Variants in NFASC observed in about 807,000 individuals in gnomAD.
NFASC encodes the protein neurofascin homolog.
Under a neutral mutation model 147.5 loss-of-function variants are expected in NFASC, and 43 were observed. That is an observed-to-expected ratio of 0.29 (90% CI 0.23 to 0.38). The LOEUF is 0.38. NFASC is among the 10% of genes least tolerant of loss of function. The pLI, the probability that NFASC is intolerant of heterozygous loss-of-function variation, is 1.00. For missense variants in NFASC, 1,320 were observed against 1,689.0 expected (o/e 0.78, Z 3.83); for synonymous variants, 622 against 665.5 (o/e 0.93, Z 1.01).
At chr1:204,958,287 C>A (rs765551457) in intron 8 of NFASC, among the ~76,000 whole-genome samples, 1 of 152,094 alleles carries the variant, frequency 6.6e-6, no homozygotes, top group Non-Finnish European at 1.5e-5. Flanking sequence ...GTATAAGAAA[C>A]CCATAGCAGA....
Position 204,970,714 on chromosome 1 carries a change from G to A in NFASC, c.1102G>A (p.Val368Ile). The A allele has an allele frequency of 6.2e-7, 1 of 1,614,212 alleles. No homozygotes were observed. Among genetic ancestry groups the A allele is most frequent in the Non-Finnish European group, 8.5e-7 (1 of 1,180,040 alleles). The change falls in exon 11 of 30, where the codon GTC becomes ATC. Residue 368 changes from valine (V) to isoleucine (I), a missense_variant. Around this residue, in one of 3 missense-constraint regions of NFASC, gnomAD observed 981 missense variants for 1,289.5 expected, o/e 0.76. Transcript: ENST00000339876. ...AGCCAATGGAAACCCCAAACCCACT[G>A]TCCAGTGGATGGTGAATGGGGAACC... ...CRANGNPKPT[V>I]QWMVNGEPLQ...
Position 205,015,119 on chromosome 1 carries a change from C to T in NFASC, c.3492-1189C>T, listed in dbSNP as rs2096327371. 6.6e-6 allele frequency among the ~76,000 whole-genome samples: 1 copy of T among 152,198 alleles called. No individual in the cohort carries two copies. On this transcript the variant is annotated intron_variant, in intron 29 of 29. Coordinates refer to ENST00000339876, the MANE Select transcript of NFASC (RefSeq NM_001005388.3). The surrounding 1 kb of genome is among the most constrained non-coding windows in gnomAD (Gnocchi z 4.0). ...CCCTCACCTGACAGCTGTCTTTGCC[C>T]GACACTGCTATTAGAAGTGAGAACG...
chr1:204,997,574 C>A, intron 25 of NFASC, 168 bp downstream of exon 25: 1 of 766,322 alleles, frequency 1.3e-6, no homozygotes, highest in Non-Finnish European at 2.2e-6. Context: ...ATGCTCAGTC[C>A]CGTAGCCTGG....
Position 205,012,855 on chromosome 1 carries a change from A to G in NFASC, c.3480A>G (p.Ser1160=), listed in dbSNP as rs2151065910. The change falls in exon 29 of 30, where the codon TCA becomes TCG. Residue 1160 remains serine, a synonymous_variant. Transcript: ENST00000339876. ...GPEDPKEEDG[S]FDYSDEDNKP... ...AAGACCCCAAGGAAGAGGATGGCTC[A>G]TTTGACTATAGGTGCGTGATCTCCC... 1 of 1,612,630 alleles carries G rather than the reference A, an allele frequency of 6.2e-7. No homozygotes were observed. The highest frequency in any genetic ancestry group is 1.3e-5 in the African/African-American group (1 of 75,004).
At chr1:204,969,003 A>T in intron 10 of NFASC, 21 bp downstream of exon 10, 5 of 1,600,072 alleles carry the variant, frequency 3.1e-6, no homozygotes, top group African/African-American at 1.3e-5. Context: ...TGTATTTATC[A>T]TTATGATTAT....
At chr1:204,952,153 C>A in intron 5 of NFASC, 37 bp downstream of exon 5, 1 of 1,482,336 alleles carries the variant, frequency 6.7e-7, no homozygotes, top group Non-Finnish European at 9.4e-7. Flanking sequence ...TGAAACCACC[C>A]GCTTGCCTCT....
intron 2 of NFASC, among the ~76,000 whole-genome samples, chr1:204,923,376 G>A (rs934711678): frequency 4.6e-5 from 7 of 151,942 alleles, no homozygotes; most frequent in Admixed American, 2.0e-4. Flanking sequence ...CTCAGGCTTC[G>A]TCTCTCCCCT....
In NFASC at chr1:204,864,072, C is replaced by T. The variant is rs2263019; in HGVS notation, c.-200+35290C>T. Among the ~76,000 whole-genome samples, 1,105 of 152,308 alleles carry T rather than the reference C, an allele frequency of 7.3e-3. 16 individuals are homozygous for T. The highest frequency in any genetic ancestry group is 0.026 in the African/African-American group (1,073 of 41,568). On this transcript the variant is annotated intron_variant, in intron 1 of 29. Coordinates refer to ENST00000339876, the MANE Select transcript of NFASC (RefSeq NM_001005388.3). ...TGGTAATCTTGAATCTACTCTCTGT[C>T]TCTACGAATTTGTCCATTACATTAC...
chr1:204,881,552 C>G (rs1010684724), intron 1 of NFASC, among the ~76,000 whole-genome samples: 1 of 152,098 alleles, frequency 6.6e-6, no homozygotes, highest in African/African-American at 2.4e-5. Context: ...AGACAGAAGG[C>G]AGCAGCAGAA....
chr1:204,942,464 C>T (rs1452725499), intron 2 of NFASC, among the ~76,000 whole-genome samples: 2 of 152,140 alleles, frequency 1.3e-5, no homozygotes, highest in East Asian at 3.9e-4. Flanking sequence ...AGGACACTAC[C>T]TTTAACTCCC....
rs779056379 is a variant in NFASC at position 204,997,298 on chromosome 1, ATCGCCACCACCACCACCG to A, written c.2919_2936del (p.Val977_Thr982del). 1.7e-5 allele frequency: 28 copies of A among 1,605,402 alleles called. No homozygotes were observed. Among genetic ancestry groups the A allele is most frequent in the Non-Finnish European group, 2.2e-5 (26 of 1,176,112 alleles). The stretch of plus-strand genomic sequence containing the variant: ...CATCCCAACTGTCGCACCTACCACC[ATCGCCACCACCACCACCG>A]TCGCCACAACTACTACAACCACTGC... On this transcript the variant is annotated inframe_deletion, in exon 25 of 30. Transcript: ENST00000339876.
chr1:204,843,145 A>G (rs1198549407), intron 1 of NFASC, among the ~76,000 whole-genome samples: 1 of 152,192 alleles, frequency 6.6e-6, no homozygotes, highest in Non-Finnish European at 1.5e-5. Context: ...TCTGAGAGCA[A>G]GAATCCTTTG....
intron 11 of NFASC, among the ~76,000 whole-genome samples, chr1:204,971,174 G>A (rs2095242185): frequency 6.6e-6 from 1 of 152,130 alleles, no homozygotes; most frequent in Admixed American, 6.5e-5. Context: ...TCTCTGCTAA[G>A]GGCAAAAGAA....
intron 1 of NFASC, among the ~76,000 whole-genome samples, chr1:204,885,486 A>C (rs1206522816): frequency 6.6e-6 from 1 of 152,214 alleles, no homozygotes; most frequent in Non-Finnish European, 1.5e-5. Context: ...CTTTGCCCTC[A>C]CTGGACTTTG....
chr1:204,947,706 T>C (rs2093849771), intron 3 of NFASC, among the ~76,000 whole-genome samples: 1 of 149,698 alleles, frequency 6.7e-6, no homozygotes, highest in African/African-American at 2.5e-5. Flanking sequence ...TCAACCAGAG[T>C]GAGTTTGCCA....
At chr1:204,853,969 C>T (rs1543869) in intron 1 of NFASC, among the ~76,000 whole-genome samples, 29,638 of 152,020 alleles carry the variant, frequency 0.19, 4,528 homozygotes, top group East Asian at 0.53. Flanking sequence ...TTTTCTGCTC[C>T]TCCTTGGGAA....
At chr1:204,848,781 G>A (rs753088586) in intron 1 of NFASC, among the ~76,000 whole-genome samples, 8 of 152,224 alleles carry the variant, frequency 5.3e-5, no homozygotes, top group East Asian at 1.9e-4. Flanking sequence ...TGGAGAGCTC[G>A]TTGCCCTCTT....
intron 1 of NFASC, among the ~76,000 whole-genome samples, chr1:204,872,410 T>C (rs950704482): frequency 6.6e-6 from 1 of 152,198 alleles, no homozygotes; most frequent in Non-Finnish European, 1.5e-5. Context: ...CAGTGACTAT[T>C]TTTAGAAGCA....
chr1:204,954,704 C>G lies in NFASC; in HGVS notation c.413-125C>G. The G allele has an allele frequency of 8.3e-7, 1 of 1,200,824 alleles. No homozygotes were observed. Among genetic ancestry groups the G allele is most frequent in the Admixed American group, 2.0e-5 (1 of 50,822 alleles). The allele number at this position is 1,200,824 out of a possible 1,614,324, so 74.4% of individuals were successfully genotyped here. ...AGGCTCACGTGCCCCGTCCCTCTCT[C>G]TTGCTCCCTCCTTCTCCAGGTGCCC... On this transcript the variant is annotated intron_variant, in intron 6 of 29. Transcript: ENST00000339876. This position sits in a 1 kb window ranked among gnomAD's most constrained non-coding sequence, Gnocchi z 5.7.
Sources: gnomAD v4.1 joint callset for allele counts (sites outside exome capture counted in the v4.1 genomes callset) on GRCh38, gnomAD v4.1.1 for gene constraint, gnomAD v4.1.1 regional missense constraint, Gnocchi (gnomAD v3.1) non-coding constraint, MANE v1.5 for transcripts, NCBI Gene and HGNC (gene_info 2026-07-23, HGNC 2026-07-21) for gene names.